FAM227B: variants seen among roughly 807,000 people sequenced by gnomAD.
The protein encoded by FAM227B is protein FAM227B.
In FAM227B, 88 loss-of-function variants were observed where a neutral mutation model predicts 73.8. The ratio of observed to expected loss-of-function variants is 1.19; its 90% confidence interval spans 1.00 to 1.42. The LOEUF is 1.42. Among genes scored for constraint, FAM227B ranks in the 40% most tolerant of loss-of-function variants. The pLI is 0.00. For synonymous variants in FAM227B, 210 were observed against 190.5 expected (o/e 1.10, Z -0.84); for missense variants, 632 against 590.9 (o/e 1.07, Z -0.72).
At chr15:49,479,076 C>T (rs1368186124) in intron 11 of FAM227B, among the ~76,000 whole-genome samples, 2 of 151,942 alleles carry the variant, frequency 1.3e-5, no homozygotes, top group African/African-American at 4.8e-5. Flanking sequence ...AATTATTGAA[C>T]CAGAGGATAA....
chr15:49,505,026 A>C (rs1314167327), intron 11 of FAM227B, among the ~76,000 whole-genome samples: 2 of 152,256 alleles, frequency 1.3e-5, no homozygotes, highest in Non-Finnish European at 2.9e-5. Flanking sequence ...ATGGATAAAC[A>C]AATCATATTA....
chr15:49,507,426 C>T (rs1231626235), intron 11 of FAM227B, among the ~76,000 whole-genome samples: 1 of 152,020 alleles, frequency 6.6e-6, no homozygotes, highest in African/African-American at 2.4e-5. Flanking sequence ...TGTAACATTG[C>T]CTGCACATGA....
At chr15:49,374,674 T>C (rs928139279) in intron 11 of FAM227B, among the ~76,000 whole-genome samples, 1 of 152,178 alleles carries the variant, frequency 6.6e-6, no homozygotes, top group Non-Finnish European at 1.5e-5. Context: ...CTCCTGAGTA[T>C]TGAGATTACA....
At chr15:49,419,367 G>A (rs578000163) in intron 11 of FAM227B, among the ~76,000 whole-genome samples, 26 of 152,238 alleles carry the variant, frequency 1.7e-4, no homozygotes, top group African/African-American at 6.0e-4. Context: ...TTTTCAGTGC[G>A]CTTGGCATGA....
chr15:49,580,977 T>C lies in FAM227B; in HGVS notation c.406-3313A>G, dbSNP rs149553004. Among the ~76,000 whole-genome samples, 15 of 151,984 alleles carry C rather than the reference T, an allele frequency of 9.9e-5. No homozygotes were observed. The East Asian group carries it at 2.5e-3, about 25-fold the overall frequency. ...AAAACCTCTGAGAAATATGAGATTA[T>C]GTAAAGAGATCAAATCTACACTCAC... On this transcript the variant is annotated intron_variant, in intron 5 of 15. Transcript: ENST00000299338.
chr15:49,333,375 T>A (rs1319405086), intron 14 of FAM227B, among the ~76,000 whole-genome samples: 1 of 152,220 alleles, frequency 6.6e-6, no homozygotes, highest in African/African-American at 2.4e-5. Context: ...CAAATATGTA[T>A]GTTTCAACAA....
chr15:49,436,825 C>T (rs2051150348), intron 11 of FAM227B, among the ~76,000 whole-genome samples: 1 of 151,518 alleles, frequency 6.6e-6, no homozygotes, highest in Non-Finnish European at 1.5e-5. Flanking sequence ...TCGCATATTA[C>T]TTTGTATCAA....
chr15:49,387,805 C>T (rs935265196), intron 11 of FAM227B, among the ~76,000 whole-genome samples: 5 of 151,698 alleles, frequency 3.3e-5, no homozygotes, highest in Admixed American at 2.6e-4. Flanking sequence ...AGTCAATGTA[C>T]AACAATATCA....
chr15:49,533,585 T>C (rs74014311), intron 10 of FAM227B, among the ~76,000 whole-genome samples: 3,021 of 152,054 alleles, frequency 0.02, 125 homozygotes, highest in African/African-American at 0.07. Context: ...ACTATTGTTA[T>C]ATCCTCTTTA....
chr15:49,607,348 T>C (rs1334757106), intron 3 of FAM227B, among the ~76,000 whole-genome samples: 1 of 151,906 alleles, frequency 6.6e-6, no homozygotes, highest in East Asian at 1.9e-4. Flanking sequence ...TTGGGAAAGT[T>C]TTCCAGCATT....
intron 11 of FAM227B, among the ~76,000 whole-genome samples, chr15:49,418,406 C>G (rs1302945738): frequency 1.3e-5 from 2 of 152,170 alleles, no homozygotes; most frequent in Admixed American, 6.6e-5. Context: ...GATATGGAAT[C>G]AATCTAAATG....
chr15:49,402,078 C>T (rs1744257428), intron 11 of FAM227B, among the ~76,000 whole-genome samples: 1 of 152,130 alleles, frequency 6.6e-6, no homozygotes, highest in South Asian at 2.1e-4. Flanking sequence ...AAATCATAGT[C>T]TCAGTCCCTC....
At chr15:49,375,187 G>A (rs898441064) in intron 11 of FAM227B, among the ~76,000 whole-genome samples, 2 of 152,088 alleles carry the variant, frequency 1.3e-5, no homozygotes, top group Admixed American at 1.3e-4. Flanking sequence ...CAGTCCAAGT[G>A]TTTATACATA....
intron 11 of FAM227B, among the ~76,000 whole-genome samples, chr15:49,397,649 C>G (rs1201115846): frequency 6.6e-6 from 1 of 152,210 alleles, no homozygotes; most frequent in Admixed American, 6.5e-5. Flanking sequence ...CAGCGGATCT[C>G]TTGGCAGAAA....
intron 11 of FAM227B, among the ~76,000 whole-genome samples, chr15:49,401,960 C>G (rs1210631701): frequency 6.6e-6 from 1 of 150,434 alleles, no homozygotes; most frequent in African/African-American, 2.5e-5. Context: ...ATGTAACTAA[C>G]CTGCACAATG....
chr15:49,432,379 T>C (rs1250657366), intron 11 of FAM227B, among the ~76,000 whole-genome samples: 1 of 151,632 alleles, frequency 6.6e-6, no homozygotes, highest in African/African-American at 2.4e-5. Context: ...TAAATAAAAT[T>C]GAACAATTTT....
intron 9 of FAM227B, 107 bp from the exon 10 acceptor site, chr15:49,541,913 C>A: frequency 1.2e-5 from 11 of 920,312 alleles, no homozygotes; most frequent in Non-Finnish European, 1.6e-5. Flanking sequence ...AATTTATTAA[C>A]CGAATAAAAA....
At chr15:49,362,892 A>G (rs181635598) in intron 13 of FAM227B, among the ~76,000 whole-genome samples, 125 of 152,130 alleles carry the variant, frequency 8.2e-4, no homozygotes, top group African/African-American at 2.7e-3. Context: ...TCCTTTCCCT[A>G]TTACTTGTTT....
At chr15:49,518,929 G>T (rs753676745) in intron 10 of FAM227B, among the ~76,000 whole-genome samples, 1 of 152,174 alleles carries the variant, frequency 6.6e-6, no homozygotes, top group Non-Finnish European at 1.5e-5. Flanking sequence ...CTGAGACAAA[G>T]CAAGTCTCTT....
Sources: allele counts gnomAD v4.1 joint callset (sites outside exome capture counted in the v4.1 genomes callset), GRCh38; gene constraint gnomAD v4.1.1; transcripts MANE v1.5; gene names NCBI Gene and HGNC (gene_info 2026-07-23, HGNC 2026-07-21).